Variants in R3HDM1 observed in about 807,000 individuals in gnomAD.
R3HDM1 encodes R3H domain containing 1, also known as R3H domain-containing protein 1.
In R3HDM1, 46 loss-of-function variants were observed where a neutral mutation model predicts 141.1. The ratio of observed to expected loss-of-function variants is 0.33; its 90% confidence interval spans 0.26 to 0.42. The LOEUF (loss-of-function observed/expected upper bound fraction) is 0.42, where lower values mean the gene tolerates loss of function less well. Ranked by LOEUF, R3HDM1 falls within the 10% of genes least tolerant of loss-of-function variation. The pLI is 1.00. For missense variants in R3HDM1, 1,184 were observed against 1,368.3 expected (o/e 0.87, Z 2.12); for synonymous variants, 435 against 472.9 (o/e 0.92, Z 1.04).
At chr2:135,650,154 A>G in intron 17 of R3HDM1, 151 bp downstream of exon 17, 1 of 972,440 alleles carries the variant, frequency 1.0e-6, no homozygotes, top group Non-Finnish European at 1.2e-6. Flanking sequence ...AATTCATACT[A>G]GAAATAATTT....
chr2:135,642,543 G>T (rs1053808989), intron 15 of R3HDM1, among the ~76,000 whole-genome samples: 29 of 152,240 alleles, frequency 1.9e-4, no homozygotes, highest in African/African-American at 7.0e-4. Flanking sequence ...TAGAAAAAAT[G>T]ATCTTGTAAA....
At chr2:135,602,376 T>G in intron 1 of R3HDM1, 124 bp from the exon 2 acceptor site, 3 of 646,550 alleles carry the variant, frequency 4.6e-6, no homozygotes, top group Non-Finnish European at 6.6e-6. Flanking sequence ...TGTTCTGACT[T>G]TCGTTTAGGA....
intron 5 of R3HDM1, 104 bp downstream of exon 5, chr2:135,616,861 G>T: frequency 5.7e-6 from 6 of 1,046,786 alleles, no homozygotes; most frequent in Non-Finnish European, 8.4e-6. Context: ...TTGACTAAAT[G>T]AAACTTATTC....
chr2:135,684,656 A>C (rs1002551152), intron 21 of R3HDM1, among the ~76,000 whole-genome samples: 3 of 152,138 alleles, frequency 2.0e-5, no homozygotes, highest in Non-Finnish European at 4.4e-5. Context: ...GTGTTCTGTC[A>C]CATTGGCCTC....
At chr2:135,655,697 G>A (rs1574757196) in intron 18 of R3HDM1, among the ~76,000 whole-genome samples, 1 of 151,844 alleles carries the variant, frequency 6.6e-6, no homozygotes, top group Non-Finnish European at 1.5e-5. Flanking sequence ...TAGTAGAGAC[G>A]GGGTTTCACG....
intron 1 of R3HDM1, chr2:135,566,783 T>C (rs1702876632): frequency 1.0e-6 from 1 of 984,870 alleles, no homozygotes; most frequent in Admixed American, 6.2e-5. Context: ...GGCTCACGCC[T>C]GTAATCATGG....
At chr2:135,582,102 C>T (rs953399930) in intron 1 of R3HDM1, among the ~76,000 whole-genome samples, 3 of 152,098 alleles carry the variant, frequency 2.0e-5, no homozygotes, top group Non-Finnish European at 2.9e-5. Flanking sequence ...CCCAAGTGGG[C>T]GGATCACCTG....
chr2:135,631,785 C>G lies in R3HDM1; in HGVS notation c.557+8C>G. ...TTTCATTGGTAATAATGAGTAAGTC[C>G]TGACATTCAACAAGAAAAGAAATTG... On this transcript the variant is annotated splice_region_variant and intron_variant, in intron 8 of 26. Coordinates refer to ENST00000683871, the MANE Select transcript of R3HDM1 (RefSeq NM_001378107.1). 6.4e-7 allele frequency: 1 copy of G among 1,568,256 alleles called. No homozygotes were observed. Among genetic ancestry groups the G allele is most frequent in the Non-Finnish European group, 8.6e-7 (1 of 1,159,300 alleles).
intron 1 of R3HDM1, among the ~76,000 whole-genome samples, chr2:135,573,786 C>A (rs571460727): frequency 3.9e-5 from 6 of 151,984 alleles, no homozygotes; most frequent in Non-Finnish European, 8.8e-5. Context: ...ACTGTTCCCC[C>A]CACAACAAAA....
intron 11 of R3HDM1, among the ~76,000 whole-genome samples, chr2:135,638,064 AAG>A: frequency 6.6e-6 from 1 of 152,342 alleles, no homozygotes; most frequent in Admixed American, 6.5e-5. Flanking sequence ...TTCAAGTGGG[AAG>A]AGTTATGATC....
Position 135,680,286 on chromosome 2 carries a change from C to T in R3HDM1, c.2421C>T (p.Tyr807=). The stretch of plus-strand genomic sequence containing the variant: ...TGCCCACAACAGGAATGCCTGTTTA[C>T]TATAGTGTCATTCCACCTGGTCAAC... ...GSMPTTGMPV[Y]YSVIPPGQQN... The change falls in exon 21 of 27, where the codon TAC becomes TAT. Residue 807 remains tyrosine (Y), a synonymous_variant. Transcript: ENST00000683871. 1.2e-6 allele frequency: 2 copies of T among 1,613,958 alleles called. No individual in the cohort carries two copies. Among genetic ancestry groups the T allele is most frequent in the Non-Finnish European group, 1.7e-6 (2 of 1,179,876 alleles).
intron 7 of R3HDM1, 181 bp downstream of exon 7, chr2:135,622,913 C>A (rs2061642904): frequency 1.4e-5 from 14 of 983,874 alleles, no homozygotes; most frequent in Non-Finnish European, 1.7e-5. Flanking sequence ...ATATAAATAT[C>A]TTTTTGCATT....
intron 20 of R3HDM1, among the ~76,000 whole-genome samples, chr2:135,678,886 A>G (rs898334906): frequency 6.7e-6 from 1 of 148,372 alleles, no homozygotes; most frequent in African/African-American, 2.5e-5. Flanking sequence ...CAGCCTCCTG[A>G]GTAACTGGGA....
intron 19 of R3HDM1, chr2:135,669,147 T>C (rs2067951904): frequency 3.0e-6 from 3 of 984,386 alleles, no homozygotes; most frequent in Admixed American, 6.2e-5. Context: ...AATCTAATTA[T>C]AGTAAGGCAA....
At chr2:135,702,549 T>C (rs888368643) in intron 21 of R3HDM1, among the ~76,000 whole-genome samples, 3 of 148,408 alleles carry the variant, frequency 2.0e-5, no homozygotes, top group Non-Finnish European at 3.0e-5. Flanking sequence ...TAGTCCCAGC[T>C]ACAGCAGGAA....
At chr2:135,564,366 C>T (rs953318060) in intron 1 of R3HDM1, among the ~76,000 whole-genome samples, 5 of 152,170 alleles carry the variant, frequency 3.3e-5, no homozygotes, top group Admixed American at 1.3e-4. Context: ...GTTGCCCAGG[C>T]GGGAGTGCAG....
At chr2:135,634,363 AG>A (rs1382294316) in intron 9 of R3HDM1, among the ~76,000 whole-genome samples, 1 of 152,180 alleles carries the variant, frequency 6.6e-6, no homozygotes, top group Non-Finnish European at 1.5e-5. Context: ...TTCTAGGGCC[AG>A]GCGCAATGTC....
At chr2:135,578,845 A>G (rs1706112574) in intron 1 of R3HDM1, among the ~76,000 whole-genome samples, 2 of 152,226 alleles carry the variant, frequency 1.3e-5, no homozygotes, top group Non-Finnish European at 2.9e-5. Flanking sequence ...TCATTGTTGT[A>G]TAAAGAAGTT....
intron 18 of R3HDM1, among the ~76,000 whole-genome samples, chr2:135,655,235 A>G (rs2065684066): frequency 6.6e-6 from 1 of 152,104 alleles, no homozygotes; most frequent in Admixed American, 6.5e-5. Flanking sequence ...TTCTTTTTCA[A>G]GTATATATCT....
Sources: allele counts gnomAD v4.1 joint callset (sites outside exome capture counted in the v4.1 genomes callset), GRCh38; gene constraint gnomAD v4.1.1; transcripts MANE v1.5; gene names NCBI Gene and HGNC (gene_info 2026-07-23, HGNC 2026-07-21).